Variants in PCDHGB7 observed in about 807,000 individuals in gnomAD.
PCDHGB7 encodes protocadherin gamma-B7.
A neutral mutation model predicts 61.4 loss-of-function variants in PCDHGB7; 37 were observed. The observed-to-expected ratio is 0.60, with a 90% confidence interval of 0.46 to 0.79. The LOEUF is 0.79. Ranked by LOEUF, PCDHGB7 falls within the 30% of genes least tolerant of loss-of-function variation. PCDHGB7 has a pLI of 0.00. For synonymous variants in PCDHGB7, 464 were observed against 503.5 expected (o/e 0.92, Z 1.05); for missense variants, 1,166 against 1,202.5 (o/e 0.97, Z 0.45).
At chr5:141,424,297 A>G (rs2096812591) in intron 1 of PCDHGB7, 1 of 152,466 alleles carries the variant, frequency 6.6e-6, no homozygotes, top group African/African-American at 2.4e-5. Flanking sequence ...TCTTCATCCT[A>G]TCAACACAGA....
At chr5:141,438,630 A>ATG (rs2098034686) in intron 1 of PCDHGB7, among the ~76,000 whole-genome samples, 1 of 38,920 alleles carries the variant, frequency 2.6e-5, no homozygotes, top group Non-Finnish European at 4.2e-5. Flanking sequence ...ATATATATAT[A>ATG]TATATACACA....
chr5:141,432,172 CGTCTCTGTGACCGCCCACGACCCCGA>C lies in PCDHGB7; in HGVS notation c.2415+11899_2415+11924del. 6.2e-7 allele frequency: 1 copy of C among 1,614,152 alleles called. No individual in the cohort carries two copies. Among genetic ancestry groups the C allele is most frequent in the Non-Finnish European group, 8.5e-7 (1 of 1,180,038 alleles). ...AGAACAATCCCAGAGGAGTTTCCCT[CGTCTCTGTGACCGCCCACGACCCCGA>C]CTGTGAAGAGAACGCCCAGATCACT... On this transcript the variant is annotated intron_variant, in intron 1 of 3. Transcript: ENST00000398594. The surrounding 1 kb of genome is among the most constrained non-coding windows in gnomAD (Gnocchi z 6.0).
chr5:141,497,218 GA>G (rs1172998466), intron 2 of PCDHGB7, among the ~76,000 whole-genome samples: 1 of 149,792 alleles, frequency 6.7e-6, no homozygotes, highest in Non-Finnish European at 1.5e-5. Flanking sequence ...ATGGGGGGGG[GA>G]AGATCAGAGA....
Position 141,438,619 on chromosome 5 carries a change from T to C in PCDHGB7, c.2415+18345T>C, listed in dbSNP as rs1053855444. Reference sequence around the variant, plus strand: ...ATATATATATATATATATATATATATATATATATATATATATACACACACA... The same window carrying C: ...ATATATATATATATATATATATATACATATATATATATATATACACACACA... On this transcript the variant is annotated intron_variant, in intron 1 of 3. Transcript: ENST00000398594. 1.0e-4 allele frequency among the ~76,000 whole-genome samples: 4 copies of C among 39,678 alleles called. No homozygotes were observed. The East Asian group carries it at 2.5e-3, about 25-fold the overall frequency. The allele number at this position is 39,678 out of a possible 152,430, so 26.0% of individuals were successfully genotyped here.
Position 141,485,739 on chromosome 5 carries a change from G to A in PCDHGB7, c.2416-9068G>A. 6.2e-7 allele frequency: 1 copy of A among 1,614,234 alleles called. No individual in the cohort carries two copies. Among genetic ancestry groups the A allele is most frequent in the Non-Finnish European group, 8.5e-7 (1 of 1,180,042 alleles). ...GATGTGAAGAAGCGCAGCGACGGCA[G>A]CCTGGTCCCAGAGCTGCTCCTGGAG... On this transcript the variant is annotated intron_variant, in intron 1 of 3. Transcript: ENST00000398594. The surrounding 1 kb of genome is among the most constrained non-coding windows in gnomAD (Gnocchi z 5.7).
intron 2 of PCDHGB7, among the ~76,000 whole-genome samples, chr5:141,505,119 G>A (rs371973470): frequency 3.1e-4 from 47 of 152,210 alleles, no homozygotes; most frequent in African/African-American, 1.0e-3. Flanking sequence ...CCAAGATCGC[G>A]CCACTGCACT....
chr5:141,503,181 A>C (rs532503504), intron 2 of PCDHGB7, among the ~76,000 whole-genome samples: 54 of 152,060 alleles, frequency 3.6e-4, no homozygotes, highest in African/African-American at 1.3e-3. Context: ...TCTATTGTGT[A>C]ATTATTTAAA....
intron 1 of PCDHGB7, among the ~76,000 whole-genome samples, chr5:141,494,034 A>T (rs1206242414): frequency 1.3e-5 from 2 of 152,162 alleles, no homozygotes; most frequent in Non-Finnish European, 2.9e-5. Flanking sequence ...CTGGAGACTT[A>T]GTTGGCCCTG....
chr5:141,486,828 G>A lies in PCDHGB7; in HGVS notation c.2416-7979G>A, dbSNP rs140257646. 77 of 1,614,218 alleles carry A rather than the reference G, an allele frequency of 4.8e-5. 1 individual carries two copies. In the East Asian group the frequency reaches 1.2e-3, roughly 26 times the overall value. On this transcript the variant is annotated intron_variant, in intron 1 of 3. Transcript: ENST00000398594. This position sits in a 1 kb window ranked among gnomAD's most constrained non-coding sequence, Gnocchi z 5.0. ...CCCCTTAGCAGCACTGTAACAGTTCGTCTATTTGTGCTGGACCTCAATGAC... is the reference window on the plus strand; with the variant it reads ...CCCCTTAGCAGCACTGTAACAGTTCATCTATTTGTGCTGGACCTCAATGAC...
In PCDHGB7 at chr5:141,490,296, G is replaced by T; in HGVS notation, c.2416-4511G>T. The stretch of plus-strand genomic sequence containing the variant: ...ATGACAATGCCCCAGAGGTGCTATT[G>T]GCCTCTTTGGCCAACCCTGTCCTAG... On this transcript the variant is annotated intron_variant, in intron 1 of 3. Coordinates refer to ENST00000398594, the MANE Select transcript of PCDHGB7 (RefSeq NM_018927.4). This position sits in a 1 kb window ranked among gnomAD's most constrained non-coding sequence, Gnocchi z 5.4. 6.2e-7 allele frequency: 1 copy of T among 1,614,184 alleles called. No homozygotes were observed. Among genetic ancestry groups the T allele is most frequent in the South Asian group, 1.1e-5 (1 of 91,084 alleles).
intron 1 of PCDHGB7, among the ~76,000 whole-genome samples, chr5:141,462,769 G>T (rs1462290112): frequency 6.6e-6 from 1 of 151,956 alleles, no homozygotes; most frequent in African/African-American, 2.4e-5. Flanking sequence ...TCCTGGCTTG[G>T]GGTCATAATT....
intron 1 of PCDHGB7, chr5:141,428,048 G>A: frequency 6.2e-7 from 1 of 1,608,900 alleles, no homozygotes; most frequent in Admixed American, 1.7e-5. Context: ...TGGTGACCAA[G>A]GTGGTGGCGG....
In PCDHGB7 at chr5:141,482,326, GAAT is replaced by G. The variant is rs1344469521; in HGVS notation, c.2416-12479_2416-12477del. Among the ~76,000 whole-genome samples, 3 of 152,072 alleles carry G rather than the reference GAAT, an allele frequency of 2.0e-5. No homozygotes were observed. The East Asian group carries it at 5.8e-4, about 29-fold the overall frequency. ...AGTTTCCTCATCTATAAAATAAAGAGAATATCTACTTTGCAAACTTGTTGTGAG... is the reference window on the plus strand; with the variant it reads ...AGTTTCCTCATCTATAAAATAAAGAGATCTACTTTGCAAACTTGTTGTGAG... On this transcript the variant is annotated intron_variant, in intron 1 of 3. Transcript: ENST00000398594.
rs560662076 is a variant in PCDHGB7, at chr5:141,498,856, C to A, written c.2474+3991C>A. Among the ~76,000 whole-genome samples, 72 of 152,004 alleles carry A rather than the reference C, an allele frequency of 4.7e-4. 2 individuals carry two copies. Among genetic ancestry groups the A allele is most frequent in the African/African-American group, 1.7e-3 (69 of 41,430 alleles). ...GCTGAGGCAGGGGAATCGCTTGAACCCAGGAGGCGGAGGTTGCAGTGAGCT... is the reference window on the plus strand; with the variant it reads ...GCTGAGGCAGGGGAATCGCTTGAACACAGGAGGCGGAGGTTGCAGTGAGCT... On this transcript the variant is annotated intron_variant, in intron 2 of 3. Coordinates refer to ENST00000398594, the MANE Select transcript of PCDHGB7 (RefSeq NM_018927.4).
rs199698737 is a variant in PCDHGB7, at chr5:141,438,639, C to T, written c.2415+18365C>T. On this transcript the variant is annotated intron_variant, in intron 1 of 3. Transcript: ENST00000398594. ...ATATATATATATATATATATATACA[C>T]ACACACACACACATATATGTATATA... 7.1e-3 allele frequency among the ~76,000 whole-genome samples: 359 copies of T among 50,816 alleles called. 1 individual carries two copies. Among genetic ancestry groups the T allele is most frequent in the South Asian group, 0.017 (27 of 1,588 alleles). The allele number at this position is 50,816 out of a possible 152,430, so 33.3% of individuals were successfully genotyped here.
At chr5:141,502,035 G>C (rs1371892057) in intron 2 of PCDHGB7, among the ~76,000 whole-genome samples, 1 of 152,078 alleles carries the variant, frequency 6.6e-6, no homozygotes, top group Non-Finnish European at 1.5e-5. Context: ...CCCGCCGCTT[G>C]CCTGCTCTCC....
chr5:141,448,099 T>C (rs1002430560), intron 1 of PCDHGB7, among the ~76,000 whole-genome samples: 1 of 151,272 alleles, frequency 6.6e-6, no homozygotes, highest in African/African-American at 2.4e-5. Context: ...AAAAAAAAAA[T>C]TAAAAGAAAA....
In PCDHGB7 at chr5:141,487,819, C is replaced by A; in HGVS notation, c.2416-6988C>A. 2.3e-6 allele frequency: 3 copies of A among 1,285,528 alleles called. No homozygotes were observed. Among genetic ancestry groups the A allele is most frequent in the Non-Finnish European group, 3.2e-6 (3 of 932,998 alleles). 79.6% of individuals were successfully genotyped at this position (1,285,528 alleles called of 1,614,324 possible). On this transcript the variant is annotated intron_variant, in intron 1 of 3. Transcript: ENST00000398594. This position sits in a 1 kb window ranked among gnomAD's most constrained non-coding sequence, Gnocchi z 5.0. ...AGTTGTCACAGTTTAGCATTGGGGG[C>A]GGGTCATGCCTATATCTGAGTAAGA...
intron 1 of PCDHGB7, among the ~76,000 whole-genome samples, chr5:141,468,738 T>C (rs965510711): frequency 3.0e-4 from 46 of 151,958 alleles, no homozygotes; most frequent in South Asian, 2.1e-3. Flanking sequence ...TGGTGGCGGG[T>C]GCCTGTAGTC....
Sources: gnomAD v4.1 joint callset for allele counts (sites outside exome capture counted in the v4.1 genomes callset) on GRCh38, gnomAD v4.1.1 for gene constraint, Gnocchi (gnomAD v3.1) non-coding constraint, MANE v1.5 for transcripts, NCBI Gene and HGNC (gene_info 2026-07-23, HGNC 2026-07-21) for gene names.